L2HGDH: variants seen among roughly 807,000 people sequenced by gnomAD.
The protein encoded by L2HGDH is L-2-hydroxyglutarate dehydrogenase.
Under a neutral mutation model 51.5 loss-of-function variants are expected in L2HGDH, and 34 were observed. That is an observed-to-expected ratio of 0.66 (90% confidence interval 0.50 to 0.88). The LOEUF is 0.88. L2HGDH is among the 40% of genes least tolerant of loss of function. L2HGDH has a pLI of 0.00. For missense variants in L2HGDH, 558 were observed against 571.9 expected (o/e 0.98, Z 0.25); for synonymous variants, 198 against 197.9 (o/e 1.00, Z -0.01).
At chr14:50,268,032 T>A (rs1889446431) in intron 7 of L2HGDH, 122 bp from the exon 8 acceptor site, 1 of 922,272 alleles carries the variant, frequency 1.1e-6, no homozygotes, top group Admixed American at 1.9e-5. Flanking sequence ...TTGTGAGCTG[T>A]ACTCAGATAT....
intron 1 of L2HGDH, among the ~76,000 whole-genome samples, chr14:50,307,286 T>C (rs934015248): frequency 1.3e-5 from 2 of 152,362 alleles, no homozygotes; most frequent in Non-Finnish European, 2.9e-5. Flanking sequence ...ATACTGAATA[T>C]GCTTTTTCCA....
At position 50,269,372 on chromosome 14, in the gene L2HGDH, T is replaced by A. The variant is rs533627732; in HGVS notation, c.739-42A>T. 9 of 1,581,572 alleles carry A rather than the reference T, an allele frequency of 5.7e-6. No individual in the cohort carries two copies. The South Asian group carries it at 1.0e-4, about 18-fold the overall frequency. Reference sequence around the variant, plus strand: ...GAACAGTTATTTGTATAAAGTGGAGTAGAATAGGTCAAGAGGGGAAAAACA... The same window carrying A: ...GAACAGTTATTTGTATAAAGTGGAGAAGAATAGGTCAAGAGGGGAAAAACA... On this transcript the variant is annotated intron_variant, in intron 6 of 9. Transcript: ENST00000267436.
chr14:50,270,158 G>A (rs1006158017), intron 6 of L2HGDH, among the ~76,000 whole-genome samples: 11 of 152,202 alleles, frequency 7.2e-5, no homozygotes, highest in Admixed American at 1.3e-4. Context: ...CATTTAATGA[G>A]AGCACACACT....
At chr14:50,310,517 G>A (rs374155032) in intron 1 of L2HGDH, among the ~76,000 whole-genome samples, 3 of 151,818 alleles carry the variant, frequency 2.0e-5, no homozygotes, top group African/African-American at 7.3e-5. Flanking sequence ...GACCACCCTG[G>A]GCAACGTCTC....
chr14:50,280,466 G>C (rs928408134), intron 5 of L2HGDH, among the ~76,000 whole-genome samples: 2 of 151,792 alleles, frequency 1.3e-5, no homozygotes, highest in Admixed American at 1.3e-4. Flanking sequence ...CGCCTCCCAG[G>C]TCACTGCTTT....
chr14:50,304,035 T>C (rs542634159), intron 1 of L2HGDH, among the ~76,000 whole-genome samples: 1 of 152,234 alleles, frequency 6.6e-6, no homozygotes, highest in Non-Finnish European at 1.5e-5. Flanking sequence ...GCAAACAGCA[T>C]AGAATGTACT....
chr14:50,282,588 A>G (rs751193643), intron 5 of L2HGDH: 1 of 452,118 alleles, frequency 2.2e-6, no homozygotes, highest in Non-Finnish European at 4.5e-6. Flanking sequence ...TTGAAATCCA[A>G]ACCCCACCAC....
chr14:50,254,354 A>G (rs1888533191), intron 9 of L2HGDH, among the ~76,000 whole-genome samples: 1 of 152,130 alleles, frequency 6.6e-6, no homozygotes, highest in Non-Finnish European at 1.5e-5. Flanking sequence ...AAAAAATCTT[A>G]AAGAATCAGA....
chr14:50,305,951 T>C (rs1448693208), intron 1 of L2HGDH, among the ~76,000 whole-genome samples: 1 of 152,222 alleles, frequency 6.6e-6, no homozygotes, highest in Non-Finnish European at 1.5e-5. Context: ...TTTTAAATTG[T>C]GTTATTTTTT....
In L2HGDH at chr14:50,306,585, T is replaced by G. The variant is rs188958794; in HGVS notation, c.141-3568A>C. Among the ~76,000 whole-genome samples, 257 of 131,092 alleles carry G rather than the reference T, an allele frequency of 2.0e-3. 6 individuals are homozygous for G. In the East Asian group the frequency reaches 0.044, roughly 22 times the overall value. 86.0% of individuals were successfully genotyped at this position (131,092 alleles called of 152,430 possible). A position where few individuals can be genotyped will look rare whatever the true frequency, so the allele number is the denominator to read the frequency against. On this transcript the variant is annotated intron_variant, in intron 1 of 9. Transcript: ENST00000267436. ...GCTGCCTTTTGTTTTTTTTGGGGGGTTTTTTTGTTTTGGGGTTTTTTTTTT... is the reference window on the plus strand; with the variant it reads ...GCTGCCTTTTGTTTTTTTTGGGGGGGTTTTTTGTTTTGGGGTTTTTTTTTT...
At position 50,269,276 on chromosome 14, in the gene L2HGDH, G is replaced by C. The variant is rs939210898; in HGVS notation, c.793C>G (p.Arg265Gly). 2 of 1,613,880 alleles carry C rather than the reference G, an allele frequency of 1.2e-6. No homozygotes were observed. Among genetic ancestry groups the C allele is most frequent in the Non-Finnish European group, 1.7e-6 (2 of 1,179,842 alleles). ...GTGCAGCCACTCAACTCTGAAATAC[G>C]GTCTGAGTAAAGTCCTGCACATGTC... ...VVTCAGLYSD[R>G]ISELSGCTPD... The change falls in exon 7 of 10, where the codon CGT becomes GGT. Residue 265 changes from arginine (R) to glycine (G), a missense_variant. Arg to Gly is a moderately radical substitution (Grantham distance 125). Coordinates refer to ENST00000267436, the MANE Select transcript of L2HGDH (RefSeq NM_024884.3).
At chr14:50,309,123 C>T (rs752310146) in intron 1 of L2HGDH, among the ~76,000 whole-genome samples, 2 of 152,190 alleles carry the variant, frequency 1.3e-5, no homozygotes, top group African/African-American at 4.8e-5. Flanking sequence ...ATTCTCTTAA[C>T]AGTCTTTTGC....
At chr14:50,309,785 C>T (rs934087970) in intron 1 of L2HGDH, among the ~76,000 whole-genome samples, 1 of 151,212 alleles carries the variant, frequency 6.6e-6, no homozygotes, top group African/African-American at 2.4e-5. Context: ...TGGGCTCAAG[C>T]GATCCTCCTG....
intron 8 of L2HGDH, 152 bp downstream of exon 8, chr14:50,267,601 C>T: frequency 1.5e-6 from 1 of 647,034 alleles, no homozygotes; most frequent in Non-Finnish European, 2.6e-6. Context: ...ACCCCATCCA[C>T]TCCAAAGCTT....
chr14:50,303,815 A>AG (rs1290765330), intron 1 of L2HGDH, among the ~76,000 whole-genome samples: 1 of 151,268 alleles, frequency 6.6e-6, no homozygotes, highest in Non-Finnish European at 1.5e-5. Flanking sequence ...CGCATTAAAA[A>AG]AAAAAAAAAA....
At chr14:50,291,438 G>C (rs2139186109) in intron 4 of L2HGDH, among the ~76,000 whole-genome samples, 1 of 152,176 alleles carries the variant, frequency 6.6e-6, no homozygotes, top group South Asian at 2.1e-4. Context: ...AAATATTTGA[G>C]GAGAGAAATG....
At chr14:50,283,660 T>C (rs182967752) in intron 5 of L2HGDH, among the ~76,000 whole-genome samples, 2 of 152,234 alleles carry the variant, frequency 1.3e-5, no homozygotes, top group African/African-American at 2.4e-5. Context: ...TTTTAGATAA[T>C]TTCTAGATTA....
chr14:50,275,560 A>C (rs1889932233), intron 6 of L2HGDH, among the ~76,000 whole-genome samples: 2 of 152,238 alleles, frequency 1.3e-5, no homozygotes, highest in Admixed American at 1.3e-4. Context: ...GCAGCAAATG[A>C]AATGCAGCTA....
chr14:50,243,394 GCAAA>G lies in L2HGDH; in HGVS notation c.*3660_*3663del. The G allele has an allele frequency of 8.2e-6, 8 of 981,248 alleles. No homozygotes were observed. Among genetic ancestry groups the G allele is most frequent in the Non-Finnish European group, 9.7e-6 (8 of 826,478 alleles). 60.8% of individuals were successfully genotyped at this position (981,248 alleles called of 1,614,324 possible). On this transcript the variant is annotated 3_prime_UTR_variant, in exon 10 of 10. Transcript: ENST00000267436. The stretch of plus-strand genomic sequence containing the variant: ...AAAGGTTGGCTGCTATCTATCTAAA[GCAAA>G]CAGTTTATGTTTTACACATAAAAAA...
Sources: allele counts gnomAD v4.1 joint callset (sites outside exome capture counted in the v4.1 genomes callset), GRCh38; gene constraint gnomAD v4.1.1; transcripts MANE v1.5; gene names NCBI Gene and HGNC (gene_info 2026-07-23, HGNC 2026-07-21).